Variants in HDAC9 observed in about 807,000 individuals in gnomAD.
HDAC9 encodes MEF-2 interacting transcription repressor (MITR) protein.
HDAC9 carries 41 observed loss-of-function variants against 139.4 expected under a neutral mutation model. The ratio of observed to expected loss-of-function variants is 0.29; its 90% CI spans 0.23 to 0.38. The LOEUF (loss-of-function observed/expected upper bound fraction) is 0.38, where lower values mean the gene tolerates loss of function less well. HDAC9 is among the 10% of genes least tolerant of loss of function. HDAC9 has a pLI of 1.00. For synonymous variants in HDAC9, 517 were observed against 476.2 expected (o/e 1.09, Z -1.12); for missense variants, 1,147 against 1,297.0 (o/e 0.88, Z 1.78).
intron 1 of HDAC9, among the ~76,000 whole-genome samples, chr7:18,109,827 T>C (rs991841671): frequency 6.6e-6 from 1 of 152,170 alleles, no homozygotes; most frequent in African/African-American, 2.4e-5. Context: ...ATAAGAAACT[T>C]TGCTTAAAAT....
At chr7:18,941,101 G>A (rs1399249535) in intron 23 of HDAC9, among the ~76,000 whole-genome samples, 1 of 151,664 alleles carries the variant, frequency 6.6e-6, no homozygotes, top group Non-Finnish European at 1.5e-5. Context: ...CATATAGCAT[G>A]TTTTGATTTC....
At chr7:18,503,421 G>A (rs990245168) in intron 2 of HDAC9, among the ~76,000 whole-genome samples, 3 of 152,020 alleles carry the variant, frequency 2.0e-5, no homozygotes, top group East Asian at 3.8e-4. Flanking sequence ...AATACTAAAC[G>A]ACCTACACTT....
At chr7:18,092,373 C>G (rs1344813180) in intron 1 of HDAC9, among the ~76,000 whole-genome samples, 2 of 151,298 alleles carry the variant, frequency 1.3e-5, no homozygotes, top group Non-Finnish European at 2.9e-5. Flanking sequence ...CTGGGCAACA[C>G]AGTAAGACCC....
chr7:18,441,815 CT>C (rs1160770452), intron 1 of HDAC9, among the ~76,000 whole-genome samples: 1 of 152,186 alleles, frequency 6.6e-6, no homozygotes, highest in Non-Finnish European at 1.5e-5. Context: ...GTCGCTCAGG[CT>C]GGAGTGCATG....
intron 21 of HDAC9, among the ~76,000 whole-genome samples, chr7:18,846,765 T>A (rs1585144205): frequency 6.6e-6 from 1 of 152,260 alleles, no homozygotes; most frequent in South Asian, 2.1e-4. Flanking sequence ...GGGGCAACGG[T>A]GTTTTAATTA....
intron 17 of HDAC9, among the ~76,000 whole-genome samples, chr7:18,795,184 C>T (rs185393176): frequency 1.4e-4 from 19 of 136,824 alleles, no homozygotes; most frequent in Admixed American, 9.2e-4. Flanking sequence ...TTGAGAACAA[C>T]GATTGGTACA....
chr7:18,375,254 C>T (rs6948773), intron 1 of HDAC9, among the ~76,000 whole-genome samples: 30,020 of 152,052 alleles, frequency 0.2, 4,729 homozygotes, highest in African/African-American at 0.44. Flanking sequence ...CGGATTACCT[C>T]AGTTCAGGAG....
chr7:18,697,209 C>T (rs922213242), intron 12 of HDAC9, among the ~76,000 whole-genome samples: 6 of 152,148 alleles, frequency 3.9e-5, no homozygotes, highest in African/African-American at 1.4e-4. Flanking sequence ...AGGATCACAT[C>T]CTGGCAGATG....
intron 2 of HDAC9, among the ~76,000 whole-genome samples, chr7:18,217,203 C>G (rs1450295017): frequency 6.6e-6 from 1 of 151,976 alleles, no homozygotes; most frequent in Non-Finnish European, 1.5e-5. Context: ...CATTCTTTAA[C>G]AACCAACTAT....
At chr7:18,825,254 G>C (rs1221175423) in intron 17 of HDAC9, among the ~76,000 whole-genome samples, 5 of 152,166 alleles carry the variant, frequency 3.3e-5, no homozygotes, top group African/African-American at 1.2e-4. Context: ...TAGGAGGTAT[G>C]GAAAGAGCAG....
At chr7:18,854,884 C>A (rs1320829216) in intron 21 of HDAC9, among the ~76,000 whole-genome samples, 1 of 152,124 alleles carries the variant, frequency 6.6e-6, no homozygotes, top group Non-Finnish European at 1.5e-5. Context: ...TATATTTTGA[C>A]AGCGTACTTA....
At chr7:18,645,232 G>A (rs1161188841) in intron 9 of HDAC9, among the ~76,000 whole-genome samples, 1 of 152,098 alleles carries the variant, frequency 6.6e-6, no homozygotes, top group Non-Finnish European at 1.5e-5. Context: ...AGCTTCGAAA[G>A]CACAGCAGCA....
At position 18,805,632 on chromosome 7, in the gene HDAC9, A is replaced by G. The variant is rs190257360; in HGVS notation, c.2322+12180A>G. On this transcript the variant is annotated intron_variant, in intron 17 of 25. Transcript: ENST00000686413. ...TAGAATGAGACTGGAGGCATGTGAAAGAGCTGATGAAGGCCTGCAAGGTCA... is the reference window on the plus strand; with the variant it reads ...TAGAATGAGACTGGAGGCATGTGAAGGAGCTGATGAAGGCCTGCAAGGTCA... Among the ~76,000 whole-genome samples, 296 of 152,356 alleles carry G rather than the reference A, an allele frequency of 1.9e-3. 1 individual carries two copies. The highest frequency in any genetic ancestry group is 6.4e-3 in the African/African-American group (268 of 41,584).
At chr7:18,130,295 C>A (rs1265288726) in intron 1 of HDAC9, among the ~76,000 whole-genome samples, 1 of 152,012 alleles carries the variant, frequency 6.6e-6, no homozygotes, top group Non-Finnish European at 1.5e-5. Context: ...AATGCTCAAC[C>A]TGTATAAAGG....
chr7:18,149,590 G>A (rs142575051), intron 1 of HDAC9, among the ~76,000 whole-genome samples: 6,489 of 151,514 alleles, frequency 0.043, 185 homozygotes, highest in Non-Finnish European at 0.059. Context: ...TCAGTCTGTC[G>A]CCCAGGCTGG....
intron 1 of HDAC9, among the ~76,000 whole-genome samples, chr7:18,155,164 T>C (rs1787097700): frequency 6.6e-6 from 1 of 151,950 alleles, no homozygotes; most frequent in Non-Finnish European, 1.5e-5. Context: ...TTCTGGGCAT[T>C]GTGAGTCTCC....
At chr7:18,219,167 G>C (rs554352727) in intron 2 of HDAC9, among the ~76,000 whole-genome samples, 38 of 152,168 alleles carry the variant, frequency 2.5e-4, no homozygotes, top group Admixed American at 1.8e-3. Context: ...ATTATTTTAA[G>C]AGTCTTATTC....
chr7:18,560,194 A>G (rs1270999940), intron 2 of HDAC9, among the ~76,000 whole-genome samples: 2 of 152,194 alleles, frequency 1.3e-5, no homozygotes, highest in East Asian at 1.9e-4. Flanking sequence ...AATATTAGGT[A>G]TATGTTATCT....
At chr7:18,153,953 A>G (rs1320952110) in intron 1 of HDAC9, among the ~76,000 whole-genome samples, 5 of 152,202 alleles carry the variant, frequency 3.3e-5, no homozygotes, top group African/African-American at 1.2e-4. Flanking sequence ...ATGGACTGCT[A>G]GCAACAGGTA....
Sources: allele counts gnomAD v4.1 joint callset (sites outside exome capture counted in the v4.1 genomes callset), GRCh38; gene constraint gnomAD v4.1.1; transcripts MANE v1.5; gene names NCBI Gene and HGNC (gene_info 2026-07-23, HGNC 2026-07-21).